Variants in PRIM2 observed in about 807,000 individuals in gnomAD.
PRIM2 encodes the protein DNA primase large subunit.
Under a neutral mutation model 67.3 loss-of-function variants are expected in PRIM2, and 39 were observed. The ratio of observed to expected loss-of-function variants is 0.58; its 90% confidence interval spans 0.45 to 0.76. The LOEUF (loss-of-function observed/expected upper bound fraction) is 0.76. Ranked by LOEUF, PRIM2 falls within the 30% of genes least tolerant of loss-of-function variation. PRIM2 has a pLI of 0.00. For synonymous variants in PRIM2, 143 were observed against 198.7 expected (o/e 0.72, Z 2.36); for missense variants, 398 against 598.7 (o/e 0.66, Z 3.50).
At chr6:57,478,305 A>T (rs1773526732) in intron 7 of PRIM2, among the ~76,000 whole-genome samples, 1 of 150,028 alleles carries the variant, frequency 6.7e-6, no homozygotes, top group African/African-American at 2.5e-5. Flanking sequence ...ATTTCATTTT[A>T]TTAGTTGTTG....
Position 57,510,359 on chromosome 6 carries a change from A to G in PRIM2, c.761+2905A>G, listed in dbSNP as rs1341719701. Reference sequence around the variant, plus strand: ...GTCAAAATTTTTTTCCTAGAAAACCACTGGTTCAAAAGGTAAAAACCTAAA... The same window carrying G: ...GTCAAAATTTTTTTCCTAGAAAACCGCTGGTTCAAAAGGTAAAAACCTAAA... On this transcript the variant is annotated intron_variant, in intron 8 of 13. Transcript: ENST00000615550. 4.6e-5 allele frequency among the ~76,000 whole-genome samples: 7 copies of G among 152,262 alleles called. No individual in the cohort carries two copies. The South Asian group carries it at 8.3e-4, about 18-fold the overall frequency.
chr6:57,480,091 C>T (rs1320696319), intron 7 of PRIM2, among the ~76,000 whole-genome samples: 1 of 151,920 alleles, frequency 6.6e-6, no homozygotes, highest in Non-Finnish European at 1.5e-5. Flanking sequence ...ATCTTGTGGG[C>T]TGAGAGTTGG....
intron 10 of PRIM2, among the ~76,000 whole-genome samples, chr6:57,592,467 G>A (rs1392880277): frequency 4.6e-5 from 7 of 152,102 alleles, no homozygotes; most frequent in Admixed American, 2.0e-4. Flanking sequence ...TGTTCAAGCC[G>A]ACCTTGCATA....
At chr6:57,267,093 A>C in the PRIM2 span, among the ~76,000 whole-genome samples, 1 of 152,242 alleles carries the variant, frequency 6.6e-6, no homozygotes, top group Non-Finnish European at 1.5e-5. Flanking sequence ...CTTAAAATGC[A>C]TGCAGTGCCT....
intron 5 of PRIM2, among the ~76,000 whole-genome samples, chr6:57,374,674 T>C (rs1163619961): frequency 6.6e-6 from 1 of 152,016 alleles, no homozygotes; most frequent in East Asian, 1.9e-4. Flanking sequence ...CACTACAACC[T>C]CCACCTCCCA....
intron 7 of PRIM2, among the ~76,000 whole-genome samples, chr6:57,501,782 C>A (rs1331095162): frequency 6.6e-6 from 1 of 152,100 alleles, no homozygotes; most frequent in Non-Finnish European, 1.5e-5. Flanking sequence ...AATAACAAGG[C>A]TATTTCTTTA....
chr6:57,292,169 T>C, the PRIM2 span, among the ~76,000 whole-genome samples: 2 of 152,148 alleles, frequency 1.3e-5, no homozygotes, highest in African/African-American at 4.8e-5. Context: ...AAAATCAATG[T>C]GCAAAAATCA....
At chr6:57,279,133 T>C in the PRIM2 span, among the ~76,000 whole-genome samples, 1 of 152,108 alleles carries the variant, frequency 6.6e-6, no homozygotes, top group African/African-American at 2.4e-5. Flanking sequence ...ACCCAATTCA[T>C]TGAGGGAGTA....
the PRIM2 span, among the ~76,000 whole-genome samples, chr6:57,304,913 T>G: frequency 6.6e-6 from 1 of 152,164 alleles, no homozygotes; most frequent in South Asian, 2.1e-4. Flanking sequence ...AGTGATAGAT[T>G]ATATGTTGTT....
chr6:57,251,103 C>CT, the PRIM2 span, among the ~76,000 whole-genome samples: 1 of 152,034 alleles, frequency 6.6e-6, no homozygotes, highest in Non-Finnish European at 1.5e-5. Context: ...TGTTTCTTTC[C>CT]TACCCCCAAA....
At chr6:57,579,007 C>G (rs1582000941) in intron 10 of PRIM2, among the ~76,000 whole-genome samples, 2 of 152,170 alleles carry the variant, frequency 1.3e-5, no homozygotes, top group African/African-American at 4.8e-5. Flanking sequence ...CACATCCTCC[C>G]TAGCACCACA....
intron 12 of PRIM2, among the ~76,000 whole-genome samples, chr6:57,607,834 G>A (rs1776590239): frequency 6.6e-6 from 1 of 152,060 alleles, no homozygotes; most frequent in Non-Finnish European, 1.5e-5. Context: ...TGGATTTAGG[G>A]CATTAGATAA....
At chr6:57,405,327 G>T (rs1259152939) in intron 7 of PRIM2, among the ~76,000 whole-genome samples, 1 of 151,352 alleles carries the variant, frequency 6.6e-6, no homozygotes, top group Admixed American at 6.6e-5. Flanking sequence ...TTGATAAAGT[G>T]CTGAGAGTGT....
At chr6:57,567,191 A>C (rs2127480212) in intron 10 of PRIM2, among the ~76,000 whole-genome samples, 1 of 152,172 alleles carries the variant, frequency 6.6e-6, no homozygotes, top group Non-Finnish European at 1.5e-5. Context: ...ATAATCATAA[A>C]CTTGTAGATA....
At chr6:57,480,021 T>C in intron 7 of PRIM2, among the ~76,000 whole-genome samples, 1 of 152,316 alleles carries the variant, frequency 6.6e-6, no homozygotes, top group East Asian at 1.9e-4. Flanking sequence ...GAGGAAGATT[T>C]ATCAAGAGAT....
chr6:57,298,030 T>A, the PRIM2 span, among the ~76,000 whole-genome samples: 1 of 152,184 alleles, frequency 6.6e-6, no homozygotes, highest in Non-Finnish European at 1.5e-5. Context: ...TCACTTTTTA[T>A]ACACCTGAAA....
At chr6:57,263,552 A>T in the PRIM2 span, among the ~76,000 whole-genome samples, 1 of 152,162 alleles carries the variant, frequency 6.6e-6, no homozygotes, top group Admixed American at 6.5e-5. Flanking sequence ...CAGTGGATTG[A>T]GGCCCACTCT....
chr6:57,519,691 G>A (rs1554348683), intron 8 of PRIM2, among the ~76,000 whole-genome samples: 61 of 152,216 alleles, frequency 4.0e-4, no homozygotes, highest in Non-Finnish European at 7.5e-4. Context: ...GTCCTGAGGC[G>A]ACATCCTCCT....
At chr6:57,476,069 G>T (rs1773471381) in intron 7 of PRIM2, among the ~76,000 whole-genome samples, 1 of 152,056 alleles carries the variant, frequency 6.6e-6, no homozygotes, top group Admixed American at 6.6e-5. Context: ...TTACCTCTCT[G>T]ATGTCGCTTT....
Sources: allele counts gnomAD v4.1 joint callset (sites outside exome capture counted in the v4.1 genomes callset), GRCh38; gene constraint gnomAD v4.1.1; transcripts MANE v1.5; gene names NCBI Gene and HGNC (gene_info 2026-07-23, HGNC 2026-07-21).